The following MYPN variants were observed in gnomAD, a reference collection of about 807,000 sequenced individuals.
MYPN encodes the protein myopalladin, also known as sarcomeric protein myopalladin, 145 kDa (MYOP).
In MYPN, 63 loss-of-function variants were observed where a neutral mutation model predicts 129.4. That is an observed-to-expected ratio of 0.49 (90% CI 0.40 to 0.60). MYPN has a LOEUF of 0.60. MYPN is among the 20% of genes least tolerant of loss of function. The pLI is 0.00. For synonymous variants in MYPN, 629 were observed against 600.9 expected (o/e 1.05, Z -0.68); for missense variants, 1,596 against 1,635.4 (o/e 0.98, Z 0.42).
At chr10:68,113,935 A>G (rs2042116956) in intron 1 of MYPN, among the ~76,000 whole-genome samples, 1 of 152,192 alleles carries the variant, frequency 6.6e-6, no homozygotes, top group Non-Finnish European at 1.5e-5. Flanking sequence ...AATATTCAAG[A>G]ATACATTACA....
upstream of MYPN, among the ~76,000 whole-genome samples, chr10:68,101,366 A>G (rs962086589): frequency 1.3e-5 from 2 of 152,220 alleles, no homozygotes; most frequent in African/African-American, 4.8e-5. Context: ...AGTGGCAGGT[A>G]AGACCAGAAC....
chr10:68,149,474 A>G (rs1029101705), intron 5 of MYPN, among the ~76,000 whole-genome samples: 1 of 151,984 alleles, frequency 6.6e-6, no homozygotes, highest in African/African-American at 2.4e-5. Context: ...TTTTCAAAAA[A>G]TTATTTGTAG....
At chr10:68,119,411 T>C (rs2042207888) in intron 1 of MYPN, among the ~76,000 whole-genome samples, 1 of 151,092 alleles carries the variant, frequency 6.6e-6, no homozygotes, top group African/African-American at 2.4e-5. Flanking sequence ...ATTTATTTAT[T>C]TATTTATTTA....
chr10:68,176,901 T>C (rs1173463725), intron 12 of MYPN, among the ~76,000 whole-genome samples: 1 of 152,210 alleles, frequency 6.6e-6, no homozygotes, highest in Non-Finnish European at 1.5e-5. Context: ...GCTCTATACA[T>C]GTTGCTCTGT....
chr10:68,138,205 C>T (rs967492690), intron 2 of MYPN, among the ~76,000 whole-genome samples: 3 of 150,704 alleles, frequency 2.0e-5, no homozygotes, highest in South Asian at 2.1e-4. Flanking sequence ...TGGGTTCAAG[C>T]GATTCTCCTT....
At chr10:68,181,659 T>C (rs567073150) in intron 12 of MYPN, among the ~76,000 whole-genome samples, 9 of 152,278 alleles carry the variant, frequency 5.9e-5, no homozygotes, top group African/African-American at 2.2e-4. Context: ...ATTGACTTTG[T>C]TTTGTCTGTG....
At chr10:68,191,568 C>T (rs1160964996) in intron 13 of MYPN, among the ~76,000 whole-genome samples, 2 of 152,092 alleles carry the variant, frequency 1.3e-5, no homozygotes, top group East Asian at 3.8e-4. Context: ...ATAGGGATTG[C>T]GTTGAATCTG....
At chr10:68,139,725 T>A (rs1457139721) in intron 2 of MYPN, among the ~76,000 whole-genome samples, 1 of 152,216 alleles carries the variant, frequency 6.6e-6, no homozygotes, top group African/African-American at 2.4e-5. Flanking sequence ...TAGAACTTGA[T>A]GAAGCAAATA....
intron 1 of MYPN, among the ~76,000 whole-genome samples, chr10:68,091,528 A>G (rs1013794770): frequency 2.0e-5 from 3 of 149,406 alleles, no homozygotes; most frequent in Non-Finnish European, 4.4e-5. Flanking sequence ...TCGATTAGCT[A>G]GGGCTACAGG....
chr10:68,145,027 CTT>C (rs768474511), intron 3 of MYPN, among the ~76,000 whole-genome samples: 7 of 141,824 alleles, frequency 4.9e-5, no homozygotes, highest in African/African-American at 7.7e-5. Context: ...GAGTTCATTT[CTT>C]TTTTTTTTTT....
Position 68,197,277 on chromosome 10 carries a change from A to G in MYPN, c.3159-75A>G, listed in dbSNP as rs991626937. 5.1e-6 allele frequency: 8 copies of G among 1,564,990 alleles called. No homozygotes were observed. The African/African-American group carries it at 8.2e-5, about 16-fold the overall frequency. On this transcript the variant is annotated intron_variant, in intron 15 of 19. Coordinates refer to ENST00000358913, the MANE Select transcript of MYPN (RefSeq NM_032578.4). Reference sequence around the variant, plus strand: ...AAATCTGTTCTCTAGGTCTGTAGCCATGCCTAAATGCCTATTATCATAAGT... The same window carrying G: ...AAATCTGTTCTCTAGGTCTGTAGCCGTGCCTAAATGCCTATTATCATAAGT...
intron 14 of MYPN, among the ~76,000 whole-genome samples, chr10:68,195,015 C>T (rs1338444049): frequency 2.0e-5 from 3 of 152,152 alleles, no homozygotes; most frequent in Admixed American, 2.0e-4. Context: ...TCTTAAAATT[C>T]CCCTAAAAGA....
Position 68,211,448 on chromosome 10 carries a change from G to C in MYPN, c.*993G>C. ...TTTGTCACTTGCCCCAGCAGAGCAG[G>C]GGTTTTGGAAGGAGAGGTCTTTAAT... On this transcript the variant is annotated 3_prime_UTR_variant, in exon 20 of 20. Coordinates refer to ENST00000358913, the MANE Select transcript of MYPN (RefSeq NM_032578.4). The C allele has an allele frequency of 2.2e-6, 1 of 454,078 alleles. No individual in the cohort carries two copies. The highest frequency in any genetic ancestry group is 1.6e-5 in the South Asian group (1 of 64,480). The allele number at this position is 454,078 out of a possible 1,614,324, so 28.1% of individuals were successfully genotyped here.
intron 6 of MYPN, among the ~76,000 whole-genome samples, chr10:68,154,683 GA>G (rs1465899164): frequency 6.6e-6 from 1 of 152,178 alleles, no homozygotes; most frequent in Non-Finnish European, 1.5e-5. Context: ...CAACTGGATT[GA>G]AAAACAAATA....
At chr10:68,188,850 T>C in intron 12 of MYPN, 55 bp from the exon 13 acceptor site, 3 of 1,466,598 alleles carry the variant, frequency 2.0e-6, no homozygotes, top group Non-Finnish European at 1.9e-6. Flanking sequence ...ATTGTACTGA[T>C]GGACATGTTC....
chr10:68,188,858 T>C, intron 12 of MYPN, 47 bp from the exon 13 acceptor site: 1 of 1,525,252 alleles, frequency 6.6e-7, no homozygotes, highest in East Asian at 2.3e-5. Flanking sequence ...GATGGACATG[T>C]TCTTCCTTGC....
In MYPN at chr10:68,153,130, T is replaced by C. The variant is rs138826482; in HGVS notation, c.1317+3019T>C. Among the ~76,000 whole-genome samples the C allele has an allele frequency of 2.6e-3, 390 of 151,498 alleles. 10 individuals carry two copies. In the East Asian group the frequency reaches 0.071, roughly 27 times the overall value. On this transcript the variant is annotated intron_variant, in intron 6 of 19. Coordinates refer to ENST00000358913, the MANE Select transcript of MYPN (RefSeq NM_032578.4). ...CCTCCCAAATAGCTGGGACTATAGG[T>C]GTGCACCACCATGCCTGGCTAATTT...
intron 1 of MYPN, among the ~76,000 whole-genome samples, chr10:68,089,483 AGG>A (rs2041921250): frequency 6.6e-6 from 1 of 151,954 alleles, no homozygotes; most frequent in African/African-American, 2.4e-5. Context: ...CTGGGACTAC[AGG>A]TGTCTGCCAC....
Position 68,161,726 on chromosome 10 carries a change from T to C in MYPN, c.1460-3T>C. On this transcript the variant is annotated splice_region_variant and splice_polypyrimidine_tract_variant and intron_variant, in intron 7 of 19. Transcript: ENST00000358913. Reference sequence around the variant, plus strand: ...CAGAATCTTTTACTTTCTTTTCTTTTAGAACCTCGATCCATGGCAGAGCCA... The same window carrying C: ...CAGAATCTTTTACTTTCTTTTCTTTCAGAACCTCGATCCATGGCAGAGCCA... 1 of 1,611,104 alleles carries C rather than the reference T, an allele frequency of 6.2e-7. No homozygotes were observed. Among genetic ancestry groups the C allele is most frequent in the South Asian group, 1.1e-5 (1 of 90,702 alleles).
Sources: allele counts gnomAD v4.1 joint callset (sites outside exome capture counted in the v4.1 genomes callset), GRCh38; gene constraint gnomAD v4.1.1; transcripts MANE v1.5; gene names NCBI Gene and HGNC (gene_info 2026-07-23, HGNC 2026-07-21).